Variants in APP observed in about 807,000 individuals in gnomAD.
APP encodes amyloid-beta precursor protein.
APP carries 31 observed loss-of-function variants against 101.4 expected under a neutral mutation model. The ratio of observed to expected loss-of-function variants is 0.31; its 90% confidence interval spans 0.23 to 0.41. The LOEUF is 0.41. Ranked by LOEUF, APP falls within the 10% of genes least tolerant of loss-of-function variation. The probability of loss-of-function intolerance (pLI) is 1.00; values close to 1 mark genes in which losing one functional copy is unlikely to be tolerated. For missense variants in APP, 839 were observed against 1,003.7 expected, an observed-to-expected ratio of 0.84 and a Z score of 2.22; for synonymous variants, 366 against 364.4, an observed-to-expected ratio of 1.00 and a Z score of -0.05.
intron 1 of APP, among the ~76,000 whole-genome samples, chr21:26,116,798 T>A (rs1385277248): frequency 6.6e-6 from 1 of 152,230 alleles, no homozygotes; most frequent in South Asian, 2.1e-4. Flanking sequence ...ACCCGCTGAC[T>A]AGTCTAAATA....
intron 1 of APP, among the ~76,000 whole-genome samples, chr21:26,128,098 A>G (rs947532671): frequency 5.9e-5 from 9 of 152,170 alleles, no homozygotes; most frequent in African/African-American, 2.2e-4. Context: ...AAAATAGACA[A>G]TCTTTCCTTG....
chr21:26,038,870 C>T lies in APP; in HGVS notation c.662+12130G>A, dbSNP rs537551151. ...ACTTTACCGGCTTGATATGCATTTA[C>T]ACCAATTAGTCGTTTTGGAAGCAAA... On this transcript the variant is annotated intron_variant, in intron 5 of 17. Coordinates refer to ENST00000346798, the MANE Select transcript of APP (RefSeq NM_000484.4). Among the ~76,000 whole-genome samples, 36 of 152,292 alleles carry T rather than the reference C, an allele frequency of 2.4e-4. 1 individual carries two copies. Among genetic ancestry groups the T allele is most frequent in the African/African-American group, 8.7e-4 (36 of 41,564 alleles).
At chr21:26,153,726 T>C (rs2063323252) in intron 1 of APP, among the ~76,000 whole-genome samples, 1 of 152,226 alleles carries the variant, frequency 6.6e-6, no homozygotes, top group South Asian at 2.1e-4. Flanking sequence ...ACACAGGGCA[T>C]GCTTAACTTC....
intron 13 of APP, among the ~76,000 whole-genome samples, chr21:25,923,607 G>A (rs2039730801): frequency 7.1e-6 from 1 of 141,342 alleles, no homozygotes; most frequent in South Asian, 2.4e-4. Flanking sequence ...AGACATTTAT[G>A]CAGCCAAAAA....
intron 1 of APP, among the ~76,000 whole-genome samples, chr21:26,154,541 A>T (rs1238231328): frequency 1.3e-5 from 2 of 152,184 alleles, no homozygotes; most frequent in Non-Finnish European, 2.9e-5. Flanking sequence ...GTTTTGTCCA[A>T]ATCAGGCCAT....
chr21:26,065,835 T>C (rs2046433804), intron 3 of APP, among the ~76,000 whole-genome samples: 1 of 152,202 alleles, frequency 6.6e-6, no homozygotes, highest in African/African-American at 2.4e-5. Flanking sequence ...TACAAGTATT[T>C]AATAATTCCA....
chr21:25,957,959 G>C (rs2041395894), intron 11 of APP, among the ~76,000 whole-genome samples: 1 of 151,890 alleles, frequency 6.6e-6, no homozygotes, highest in Non-Finnish European at 1.5e-5. Flanking sequence ...ACTCAAGCCT[G>C]GGAAAGAGAA....
At chr21:26,145,442 T>G (rs2146323147) in intron 1 of APP, among the ~76,000 whole-genome samples, 1 of 152,190 alleles carries the variant, frequency 6.6e-6, no homozygotes, top group East Asian at 1.9e-4. Context: ...TCACAATAGG[T>G]TTTGTGCTCC....
chr21:25,890,053 TGAGGGA>T, intron 17 of APP, among the ~76,000 whole-genome samples: 1 of 152,218 alleles, frequency 6.6e-6, no homozygotes, highest in Non-Finnish European at 1.5e-5. Flanking sequence ...TACACTGTTT[TGAGGGA>T]CATAAGCTTA....
chr21:25,885,814 T>C (rs1046223728), intron 17 of APP, among the ~76,000 whole-genome samples: 13 of 152,174 alleles, frequency 8.5e-5, no homozygotes, highest in South Asian at 2.1e-4. Context: ...ACTTGATTCA[T>C]TGGAACCATT....
At position 26,011,118 on chromosome 21, in the gene APP, G is replaced by A. The variant is rs538370243; in HGVS notation, c.865+10722C>T. On this transcript the variant is annotated intron_variant, in intron 6 of 17. Coordinates refer to ENST00000346798, the MANE Select transcript of APP (RefSeq NM_000484.4). ...GAGACGGCATCTCAGTCTGTCTGCC[G>A]AGACTGGAGTGCAATGGCACGATCT... Among the ~76,000 whole-genome samples the A allele has an allele frequency of 4.0e-4, 61 of 151,736 alleles. No individual in the cohort carries two copies. In the South Asian group the frequency reaches 0.01, roughly 25 times the overall value.
chr21:26,000,036 T>A lies in APP; in HGVS notation c.1012A>T (p.Met338Leu). Residue 338 changes from methionine to leucine, a missense_variant, in exon 7 of 18, where the codon ATG becomes TTG. Physicochemically the swap from Met to Leu is conservative, Grantham distance 15. Coordinates refer to ENST00000346798, the MANE Select transcript of APP (RefSeq NM_000484.4). ...RNNFDTEEYC[M>L]AVCGSAMSQS... ...TTACTGGCGCTGCCACACACGGCCA[T>A]GCAGTACTCTTCTGTGTCAAAGTTG... The A allele has an allele frequency of 6.2e-7, 1 of 1,614,090 alleles. No homozygotes were observed. The highest frequency in any genetic ancestry group is 8.5e-7 in the Non-Finnish European group (1 of 1,179,996).
At chr21:26,041,654 A>C (rs2045375120) in intron 5 of APP, among the ~76,000 whole-genome samples, 1 of 152,016 alleles carries the variant, frequency 6.6e-6, no homozygotes, top group Non-Finnish European at 1.5e-5. Context: ...GATGTAGCTC[A>C]GACAGCAGCA....
intron 1 of APP, among the ~76,000 whole-genome samples, chr21:26,122,293 A>G (rs563817756): frequency 6.6e-6 from 1 of 152,358 alleles, no homozygotes; most frequent in South Asian, 2.1e-4. Flanking sequence ...TGAGTCTGGT[A>G]CATACATTCC....
At chr21:26,153,161 G>C (rs2063312390) in intron 1 of APP, among the ~76,000 whole-genome samples, 1 of 152,084 alleles carries the variant, frequency 6.6e-6, no homozygotes, top group Non-Finnish European at 1.5e-5. Context: ...GGTAATAGGG[G>C]ACTAGGGATT....
intron 1 of APP, among the ~76,000 whole-genome samples, chr21:26,121,277 C>T (rs1218945884): frequency 3.3e-5 from 5 of 152,132 alleles, no homozygotes; most frequent in African/African-American, 1.2e-4. Context: ...ACATAATTTG[C>T]AAGTTTAATT....
chr21:26,012,714 C>T (rs1444115768), intron 6 of APP, among the ~76,000 whole-genome samples: 1 of 80 alleles, frequency 0.013, no homozygotes, highest in Non-Finnish European at 0.028. Flanking sequence ...GTGGCTCAAA[C>T]CAGTAACCCA....
chr21:26,045,220 AG>A (rs1379594855), intron 5 of APP, among the ~76,000 whole-genome samples: 234 of 152,374 alleles, frequency 1.5e-3, no homozygotes, highest in African/African-American at 5.4e-3. Context: ...TAAAATTATG[AG>A]CTGTCAATGT....
intron 3 of APP, among the ~76,000 whole-genome samples, chr21:26,058,877 C>A (rs45487091): frequency 6.6e-6 from 1 of 151,998 alleles, no homozygotes; most frequent in Non-Finnish European, 1.5e-5. Context: ...GTCAGGAGAT[C>A]GAGACCATCC....
Sources: gnomAD v4.1 joint callset for allele counts (sites outside exome capture counted in the v4.1 genomes callset) on GRCh38, gnomAD v4.1.1 for gene constraint, MANE v1.5 for transcripts, NCBI Gene and HGNC (gene_info 2026-07-23, HGNC 2026-07-21) for gene names.